The following LTBP2 variants were observed in gnomAD, a reference collection of about 807,000 sequenced individuals.
LTBP2 encodes latent transforming growth factor beta binding protein 2.
A neutral mutation model predicts 210.6 loss-of-function variants in LTBP2; 103 were observed. The observed-to-expected ratio is 0.49, with a 90% CI of 0.42 to 0.58. LTBP2 has a LOEUF of 0.58. LTBP2 is among the 20% of genes least tolerant of loss of function. The probability of loss-of-function intolerance (pLI) is 0.00; values close to 1 mark genes in which losing one functional copy is unlikely to be tolerated. For synonymous variants in LTBP2, 1,007 were observed against 1,015.0 expected, an observed-to-expected ratio of 0.99 and a Z score of 0.15; for missense variants, 2,313 against 2,494.5, an observed-to-expected ratio of 0.93 and a Z score of 1.55.
At chr14:74,536,576 G>A (rs1249870615) in intron 8 of LTBP2, among the ~76,000 whole-genome samples, 1 of 152,242 alleles carries the variant, frequency 6.6e-6, no homozygotes, top group Non-Finnish European at 1.5e-5. Flanking sequence ...GCCAGGCGCA[G>A]TGGCTCATGC....
At position 74,611,667 on chromosome 14, in the gene LTBP2, C is replaced by T. The variant is rs1416527786; in HGVS notation, c.278G>A (p.Gly93Glu). The change falls in exon 1 of 36, where the codon GGG becomes GAG. Residue 93 changes from glycine (G) to glutamate (E), a missense_variant. Gly to Glu is a moderately conservative substitution (Grantham distance 98). Transcript: ENST00000261978. The stretch of plus-strand genomic sequence containing the variant: ...CGCCTCGGTGGGCCTCCTGGGGCTC[C>T]CCCAGCCCGGCTGGGCCCGCTCCAC... ...QPVERAQPGW[G>E]SPRRPTEAEA... The T allele has an allele frequency of 4.5e-6, 7 of 1,561,116 alleles. No individual in the cohort carries two copies. Among genetic ancestry groups the T allele is most frequent in the Non-Finnish European group, 6.0e-6 (7 of 1,159,528 alleles).
At chr14:74,518,654 GAATAATAA>G (rs1402121055) in intron 17 of LTBP2, among the ~76,000 whole-genome samples, 2 of 152,218 alleles carry the variant, frequency 1.3e-5, no homozygotes, top group East Asian at 3.8e-4. Context: ...TGAAGGAATT[GAATAATAA>G]CCATTTGTTT....
chr14:74,602,039 C>T (rs1379862853), intron 2 of LTBP2, among the ~76,000 whole-genome samples: 3 of 152,206 alleles, frequency 2.0e-5, no homozygotes, highest in Admixed American at 2.0e-4. Context: ...GGAGAAAGAT[C>T]CAACGGGCTC....
intron 3 of LTBP2, among the ~76,000 whole-genome samples, chr14:74,561,529 C>T (rs1416229153): frequency 6.6e-6 from 1 of 151,994 alleles, no homozygotes; most frequent in African/African-American, 2.4e-5. Flanking sequence ...AGGAAAAGGC[C>T]GGAAGATCTG....
chr14:74,505,584 TCC>T (rs1211242938), intron 28 of LTBP2, among the ~76,000 whole-genome samples: 1 of 148,406 alleles, frequency 6.7e-6, no homozygotes, highest in Non-Finnish European at 1.5e-5. Context: ...CTTCCTCGTC[TCC>T]CTCACTTTCC....
intron 17 of LTBP2, among the ~76,000 whole-genome samples, chr14:74,521,703 G>T (rs2087204382): frequency 6.6e-6 from 1 of 152,232 alleles, no homozygotes; most frequent in Admixed American, 6.5e-5. Context: ...GAGATTGCTG[G>T]TTTTTGGATT....
chr14:74,578,484 C>T (rs971154946), intron 3 of LTBP2, among the ~76,000 whole-genome samples: 6 of 152,238 alleles, frequency 3.9e-5, no homozygotes, highest in African/African-American at 1.4e-4. Flanking sequence ...AATTTAACCC[C>T]CCTGCCCCGG....
At position 74,612,020 on chromosome 14, in the gene LTBP2, G is replaced by T; in HGVS notation, c.-76C>A. 7.2e-7 allele frequency: 1 copy of T among 1,397,420 alleles called. No individual in the cohort carries two copies. Among genetic ancestry groups the T allele is most frequent in the Non-Finnish European group, 9.3e-7 (1 of 1,076,892 alleles). 86.6% of individuals were successfully genotyped at this position (1,397,420 alleles called of 1,614,324 possible). On this transcript the variant is annotated 5_prime_UTR_variant, in exon 1 of 36. Coordinates refer to ENST00000261978, the MANE Select transcript of LTBP2 (RefSeq NM_000428.3). The stretch of plus-strand genomic sequence containing the variant: ...TGGTCGGCACGCTGGACGCCCGCGG[G>T]CTGTTCTCCCGGCCCCGCCCGGCGG...
rs762515982 is a variant in LTBP2 at position 74,528,785 on chromosome 14, C to A, written c.2153-87G>T. The A allele has an allele frequency of 9.1e-6, 14 of 1,543,710 alleles. No homozygotes were observed. The African/African-American group carries it at 1.4e-4, about 15-fold the overall frequency. On this transcript the variant is annotated intron_variant, in intron 11 of 35. Transcript: ENST00000261978. The stretch of plus-strand genomic sequence containing the variant: ...TTCCTTTCCCTCCCTTTGGGAGACA[C>A]GGCAATTGTGGCAGCAAGGAGGGAG...
chr14:74,507,037 A>T, intron 26 of LTBP2, 142 bp downstream of exon 26: 1 of 1,548,632 alleles, frequency 6.5e-7, no homozygotes, highest in Non-Finnish European at 8.8e-7. Flanking sequence ...GGCATCTTTC[A>T]TAAGCTCTGC....
chr14:74,584,917 G>T (rs750666853), intron 3 of LTBP2, among the ~76,000 whole-genome samples: 23 of 152,064 alleles, frequency 1.5e-4, no homozygotes, highest in African/African-American at 5.1e-4. Flanking sequence ...CCTCAAGGTC[G>T]GCCTCCTCTC....
At chr14:74,569,030 C>G (rs1339077018) in intron 3 of LTBP2, among the ~76,000 whole-genome samples, 1 of 152,158 alleles carries the variant, frequency 6.6e-6, no homozygotes, top group African/African-American at 2.4e-5. Context: ...AGAGCACTTG[C>G]AAAAGCTTCC....
At chr14:74,541,537 T>C (rs534147362) in intron 8 of LTBP2, among the ~76,000 whole-genome samples, 2 of 152,288 alleles carry the variant, frequency 1.3e-5, no homozygotes, top group East Asian at 3.9e-4. Context: ...GTCACCCCGC[T>C]GGTGGACAGA....
intron 2 of LTBP2, among the ~76,000 whole-genome samples, chr14:74,592,918 C>T (rs1051291252): frequency 5.3e-5 from 8 of 152,140 alleles, no homozygotes; most frequent in Non-Finnish European, 7.4e-5. Context: ...TCTAGCCATT[C>T]GTAATTTGGG....
chr14:74,507,943 A>T (rs1161423825), intron 25 of LTBP2, 30 bp downstream of exon 25: 1 of 1,611,648 alleles, frequency 6.2e-7, no homozygotes, highest in South Asian at 1.1e-5. Context: ...ATGTGGGCAG[A>T]GCCCTGTGCC....
chr14:74,532,363 G>A, intron 10 of LTBP2, 63 bp downstream of exon 10: 1 of 1,605,710 alleles, frequency 6.2e-7, no homozygotes. Context: ...CTGGCCTGTG[G>A]ACCTGAAGTG....
At chr14:74,502,624 C>T in intron 34 of LTBP2, 29 bp downstream of exon 34, 3 of 1,614,108 alleles carry the variant, frequency 1.9e-6, no homozygotes, top group Non-Finnish European at 2.5e-6. Context: ...TGGTGCCCAC[C>T]TCTTCCCCAG....
At chr14:74,574,153 A>G (rs866115150) in intron 3 of LTBP2, among the ~76,000 whole-genome samples, 16 of 152,160 alleles carry the variant, frequency 1.1e-4, no homozygotes, top group African/African-American at 3.6e-4. Flanking sequence ...CCCTAACCCA[A>G]CCCTGACCAC....
chr14:74,503,537 C>T lies in LTBP2; in HGVS notation c.4652G>A (p.Cys1551Tyr). The T allele has an allele frequency of 6.2e-7, 1 of 1,613,778 alleles. No individual in the cohort carries two copies. The highest frequency in any genetic ancestry group is 2.2e-5 in the East Asian group (1 of 44,870). ...ECVNTEGSFH[C>Y]FCSPPLTLDL... ...CAGGGTGAGCGGGGGGCTGCAGAAG[C>T]AGTGGAAGGAGCCCTCCGTGTTGAC... is the stretch of plus-strand genomic sequence containing the variant. The change falls in exon 32 of 36, where the codon TGC becomes TAC. Residue 1551 changes from cysteine (C) to tyrosine (Y), a missense_variant. Around this residue, in one of 3 missense-constraint regions of LTBP2, gnomAD observed 443 missense variants for 501.4 expected, o/e 0.88. Transcript: ENST00000261978.
Sources: allele counts gnomAD v4.1 joint callset (sites outside exome capture counted in the v4.1 genomes callset), GRCh38; gene constraint gnomAD v4.1.1; regional missense constraint gnomAD v4.1.1; transcripts MANE v1.5; gene names NCBI Gene and HGNC (gene_info 2026-07-23, HGNC 2026-07-21).